The following NAALADL2 variants were observed in gnomAD, a reference collection of about 807,000 sequenced individuals.
NAALADL2 encodes inactive N-acetylated-alpha-linked acidic dipeptidase-like protein 2.
In NAALADL2, 76 loss-of-function variants were observed where a neutral mutation model predicts 87.2. The ratio of observed to expected loss-of-function variants is 0.87; its 90% CI spans 0.72 to 1.05. The LOEUF is 1.05. Ranked by LOEUF, NAALADL2 falls within the 50% of genes least tolerant of loss-of-function variation. The probability of loss-of-function intolerance (pLI) is 0.00; values close to 1 mark genes in which losing one functional copy is unlikely to be tolerated. For synonymous variants in NAALADL2, 354 were observed against 331.0 expected, an observed-to-expected ratio of 1.07 and a Z score of -0.75; for missense variants, 1,089 against 945.8, an observed-to-expected ratio of 1.15 and a Z score of -1.99.
chr3:174,833,675 C>T (rs1207116268), intron 3 of NAALADL2, among the ~76,000 whole-genome samples: 1 of 151,978 alleles, frequency 6.6e-6, no homozygotes, highest in Non-Finnish European at 1.5e-5. Context: ...CTATCAAATT[C>T]AATGCAGCTA....
chr3:175,300,063 G>C (rs1042548148), intron 4 of NAALADL2, among the ~76,000 whole-genome samples: 12 of 152,104 alleles, frequency 7.9e-5, no homozygotes, highest in Non-Finnish European at 1.6e-4. Flanking sequence ...TTTTGTCATT[G>C]ATTCTGTTTA....
At chr3:175,308,130 T>A (rs556262199) in intron 4 of NAALADL2, among the ~76,000 whole-genome samples, 15 of 151,602 alleles carry the variant, frequency 9.9e-5, no homozygotes, top group African/African-American at 3.6e-4. Context: ...GAGAAAACCA[T>A]TTTTTTTATG....
chr3:175,664,345 G>C (rs1732672628), intron 11 of NAALADL2, among the ~76,000 whole-genome samples: 1 of 152,062 alleles, frequency 6.6e-6, no homozygotes, highest in African/African-American at 2.4e-5. Context: ...CTTGAATATA[G>C]ATTTCTTTGT....
chr3:175,342,018 T>C (rs933549586), intron 5 of NAALADL2, among the ~76,000 whole-genome samples: 1 of 152,126 alleles, frequency 6.6e-6, no homozygotes, highest in African/African-American at 2.4e-5. Context: ...TTTCTATTCA[T>C]ATTGATCTAT....
intron 4 of NAALADL2, among the ~76,000 whole-genome samples, chr3:175,262,725 T>A (rs1751280208): frequency 6.6e-6 from 1 of 151,824 alleles, no homozygotes; most frequent in Non-Finnish European, 1.5e-5. Flanking sequence ...CATCATAATT[T>A]TCCCTGGTAT....
chr3:175,118,929 G>T (rs1205248798), intron 2 of NAALADL2, among the ~76,000 whole-genome samples: 2 of 151,666 alleles, frequency 1.3e-5, no homozygotes, highest in East Asian at 3.9e-4. Flanking sequence ...CTTTGGCTAA[G>T]ATATGCTGGT....
intron 2 of NAALADL2, among the ~76,000 whole-genome samples, chr3:175,167,899 T>G (rs1580768256): frequency 6.6e-6 from 1 of 152,100 alleles, no homozygotes; most frequent in East Asian, 1.9e-4. Flanking sequence ...GGAAATTAGA[T>G]ATATATTTTA....
At chr3:175,528,178 T>C (rs1484004619) in intron 9 of NAALADL2, among the ~76,000 whole-genome samples, 1 of 152,102 alleles carries the variant, frequency 6.6e-6, no homozygotes. Context: ...CATGTATATA[T>C]ATATAAATAA....
chr3:174,957,037 G>T (rs769016101), intron 1 of NAALADL2, among the ~76,000 whole-genome samples: 1 of 151,732 alleles, frequency 6.6e-6, no homozygotes, highest in Non-Finnish European at 1.5e-5. Flanking sequence ...TCTGCTGTGG[G>T]TCTCCCTGTT....
intron 2 of NAALADL2, among the ~76,000 whole-genome samples, chr3:174,590,474 C>T (rs148884522): frequency 7.2e-5 from 11 of 152,152 alleles, no homozygotes; most frequent in African/African-American, 2.4e-4. Flanking sequence ...GTTTTAAAAG[C>T]TATCTTGAAA....
intron 4 of NAALADL2, among the ~76,000 whole-genome samples, chr3:175,292,335 T>C (rs900820044): frequency 7.2e-5 from 11 of 152,220 alleles, no homozygotes; most frequent in African/African-American, 2.7e-4. Flanking sequence ...TTTATAGTTT[T>C]AGATCATGGG....
At chr3:175,675,251 T>C (rs1022391766) in intron 11 of NAALADL2, 3 of 152,208 alleles carry the variant, frequency 2.0e-5, no homozygotes, top group African/African-American at 7.2e-5. Flanking sequence ...TCTATATCAA[T>C]AGATATGAAA....
intron 2 of NAALADL2, among the ~76,000 whole-genome samples, chr3:174,588,640 C>T (rs1413539892): frequency 6.6e-6 from 1 of 152,168 alleles, no homozygotes; most frequent in Non-Finnish European, 1.5e-5. Flanking sequence ...GCTGGAGGTC[C>T]ACTCCAGACC....
chr3:175,441,558 G>A (rs73033682), intron 5 of NAALADL2, among the ~76,000 whole-genome samples: 7,379 of 152,064 alleles, frequency 0.049, 430 homozygotes, highest in East Asian at 0.14. Flanking sequence ...GGTGGGACCT[G>A]GGATTCTGCA....
Position 175,047,096 on chromosome 3 carries a change from C to T in NAALADL2, c.44-49694C>T, listed in dbSNP as rs73034463. ...TTTATAAGAGCACGAATCCCATTCACAATGGCTCCACTGTCATGATCCAGT... is the reference window on the plus strand; with the variant it reads ...TTTATAAGAGCACGAATCCCATTCATAATGGCTCCACTGTCATGATCCAGT... On this transcript the variant is annotated intron_variant, in intron 1 of 13. Coordinates refer to ENST00000454872, the MANE Select transcript of NAALADL2 (RefSeq NM_207015.3). 1.3e-3 allele frequency among the ~76,000 whole-genome samples: 205 copies of T among 152,272 alleles called. 1 individual carries two copies. The highest frequency in any genetic ancestry group is 4.8e-3 in the African/African-American group (199 of 41,568).
chr3:175,187,041 A>G (rs1180194218), intron 2 of NAALADL2, among the ~76,000 whole-genome samples: 2 of 152,136 alleles, frequency 1.3e-5, no homozygotes, highest in East Asian at 1.9e-4. Flanking sequence ...TCAAAAAGCT[A>G]GGTGATTTCA....
intron 1 of NAALADL2, among the ~76,000 whole-genome samples, chr3:174,921,620 T>G (rs1735197695): frequency 6.6e-6 from 1 of 151,646 alleles, no homozygotes; most frequent in Admixed American, 6.6e-5. Context: ...GCTAACATGG[T>G]GAAACCCCAT....
At chr3:175,486,768 C>T (rs1001886513) in intron 9 of NAALADL2, among the ~76,000 whole-genome samples, 3 of 152,008 alleles carry the variant, frequency 2.0e-5, no homozygotes, top group African/African-American at 7.2e-5. Context: ...ATATCAGGCA[C>T]CTTAACTCTC....
chr3:175,023,454 A>G lies in NAALADL2; in HGVS notation c.44-73336A>G, dbSNP rs548750827. The stretch of plus-strand genomic sequence containing the variant: ...AGTTTATATTATTTTTTCGATTGAG[A>G]AACTAATCTGAGTTGGACGTTCCTG... On this transcript the variant is annotated intron_variant, in intron 1 of 13. Coordinates refer to ENST00000454872, the MANE Select transcript of NAALADL2 (RefSeq NM_207015.3). Among the ~76,000 whole-genome samples the G allele has an allele frequency of 7.2e-5, 11 of 152,192 alleles. No homozygotes were observed. In the East Asian group the frequency reaches 2.1e-3, roughly 29 times the overall value.
Sources: allele counts gnomAD v4.1 joint callset (sites outside exome capture counted in the v4.1 genomes callset), GRCh38; gene constraint gnomAD v4.1.1; transcripts MANE v1.5; gene names NCBI Gene and HGNC (gene_info 2026-07-23, HGNC 2026-07-21).